The following HPSE2 variants were observed in gnomAD, a reference collection of about 807,000 sequenced individuals.
The protein encoded by HPSE2 is heparanase 2 (inactive).
A neutral mutation model predicts 60.5 loss-of-function variants in HPSE2; 38 were observed. The ratio of observed to expected loss-of-function variants is 0.63; its 90% CI spans 0.48 to 0.82. The LOEUF (loss-of-function observed/expected upper bound fraction) is 0.82. HPSE2 is among the 40% of genes least tolerant of loss of function. The pLI, the probability that HPSE2 is intolerant of heterozygous loss-of-function variation, is 0.00. For missense variants in HPSE2, 713 were observed against 740.4 expected, an observed-to-expected ratio of 0.96 and a Z score of 0.43; for synonymous variants, 295 against 293.2, an observed-to-expected ratio of 1.01 and a Z score of -0.06.
the HPSE2 span, among the ~76,000 whole-genome samples, chr10:99,309,676 C>T: frequency 6.6e-6 from 1 of 152,276 alleles, no homozygotes; most frequent in South Asian, 2.1e-4. Context: ...TGAGTATCTG[C>T]CACAAGTCCA....
chr10:98,922,888 G>C (rs1954324229), intron 3 of HPSE2, among the ~76,000 whole-genome samples: 1 of 152,080 alleles, frequency 6.6e-6, no homozygotes, highest in Non-Finnish European at 1.5e-5. Context: ...TCTTTGATTG[G>C]TTCATCGTTT....
chr10:99,027,483 AAGAAAAGCCTGGGGCCTGATGGCTTC>A (rs1957403945), intron 3 of HPSE2, among the ~76,000 whole-genome samples: 1 of 152,198 alleles, frequency 6.6e-6, no homozygotes, highest in African/African-American at 2.4e-5. Flanking sequence ...TTTCCCACTA[AAGAAAAGCCTGGGGCCTGATGGCTTC>A]ACTGATGAAT....
At chr10:98,818,349 G>T (rs1233217653) in intron 3 of HPSE2, among the ~76,000 whole-genome samples, 1 of 152,172 alleles carries the variant, frequency 6.6e-6, no homozygotes, top group East Asian at 1.9e-4. Context: ...GTAGGCATTA[G>T]ATTCTCATAA....
chr10:99,028,961 A>C (rs2135445847), intron 3 of HPSE2, among the ~76,000 whole-genome samples: 1 of 152,270 alleles, frequency 6.6e-6, no homozygotes, highest in East Asian at 1.9e-4. Context: ...GGTCCTTCTC[A>C]CCATATATAA....
chr10:99,098,914 T>A (rs974277438), intron 3 of HPSE2, among the ~76,000 whole-genome samples: 1 of 152,214 alleles, frequency 6.6e-6, no homozygotes, highest in African/African-American at 2.4e-5. Context: ...GATTTTAATA[T>A]AAGAGAAAAA....
chr10:99,016,766 T>C (rs780561219), intron 3 of HPSE2, among the ~76,000 whole-genome samples: 4 of 152,088 alleles, frequency 2.6e-5, no homozygotes, highest in African/African-American at 9.7e-5. Context: ...GCTGCATTCT[T>C]AGGTATTTTG....
intron 3 of HPSE2, among the ~76,000 whole-genome samples, chr10:99,118,886 A>C (rs999859314): frequency 1.3e-5 from 2 of 151,842 alleles, no homozygotes; most frequent in Non-Finnish European, 2.9e-5. Flanking sequence ...GCGTGGTGGT[A>C]GGCACCTGTA....
intron 3 of HPSE2, among the ~76,000 whole-genome samples, chr10:99,100,240 T>A (rs946305535): frequency 3.3e-5 from 5 of 152,050 alleles, no homozygotes; most frequent in African/African-American, 1.2e-4. Context: ...GCTAAAAACC[T>A]TGAAAAAAGA....
intron 2 of HPSE2, among the ~76,000 whole-genome samples, chr10:99,158,546 T>C (rs1278398463): frequency 7.1e-6 from 1 of 140,176 alleles, no homozygotes; most frequent in Admixed American, 7.5e-5. Flanking sequence ...AGGTGGGAAT[T>C]GAACAATGAG....
At chr10:99,172,936 G>A (rs903813668) in intron 2 of HPSE2, among the ~76,000 whole-genome samples, 1 of 151,982 alleles carries the variant, frequency 6.6e-6, no homozygotes, top group African/African-American at 2.4e-5. Context: ...GTAATCAAGG[G>A]GATGACATTT....
chr10:98,759,655 C>A (rs1949961464), intron 3 of HPSE2, among the ~76,000 whole-genome samples: 2 of 152,042 alleles, frequency 1.3e-5, no homozygotes, highest in Non-Finnish European at 2.9e-5. Context: ...ATCTATATGT[C>A]TATTTTTATG....
intron 6 of HPSE2, among the ~76,000 whole-genome samples, chr10:98,643,246 T>G (rs1946682761): frequency 6.6e-6 from 1 of 152,240 alleles, no homozygotes; most frequent in Non-Finnish European, 1.5e-5. Flanking sequence ...GCCTCAGTTT[T>G]TTTATTCTTA....
chr10:98,833,485 T>A (rs961408741), intron 3 of HPSE2, among the ~76,000 whole-genome samples: 1 of 152,200 alleles, frequency 6.6e-6, no homozygotes, highest in African/African-American at 2.4e-5. Context: ...ATGATATTGT[T>A]ATTAATAGGT....
At chr10:99,124,178 G>GCTCAAAT (rs1174560098) in intron 3 of HPSE2, among the ~76,000 whole-genome samples, 43 of 152,274 alleles carry the variant, frequency 2.8e-4, no homozygotes, top group Admixed American at 1.1e-3. Context: ...GCTCATACCT[G>GCTCAAAT]CAGGCAGGTC....
intron 3 of HPSE2, among the ~76,000 whole-genome samples, chr10:99,060,588 G>A (rs2135522075): frequency 7.1e-6 from 1 of 141,500 alleles, no homozygotes; most frequent in East Asian, 2.2e-4. Context: ...AACCAGGGAA[G>A]CAGAGGTTGA....
chr10:99,039,896 G>C (rs1443294169), intron 3 of HPSE2, among the ~76,000 whole-genome samples: 30 of 152,150 alleles, frequency 2.0e-4, no homozygotes, highest in Non-Finnish European at 1.5e-5. Context: ...AAAATAACCA[G>C]AGTCAGGGCT....
At chr10:99,160,578 A>G (rs1846787599) in intron 2 of HPSE2, among the ~76,000 whole-genome samples, 1 of 152,206 alleles carries the variant, frequency 6.6e-6, no homozygotes, top group Non-Finnish European at 1.5e-5. Context: ...AGCCTACCTG[A>G]CAGAAATGAA....
intron 6 of HPSE2, among the ~76,000 whole-genome samples, chr10:98,687,878 C>T (rs1376355510): frequency 2.0e-5 from 3 of 152,068 alleles, no homozygotes; most frequent in African/African-American, 7.2e-5. Flanking sequence ...ATAATTGAGT[C>T]TTCTATAGCA....
intron 3 of HPSE2, among the ~76,000 whole-genome samples, chr10:98,993,282 T>G (rs1360078790): frequency 1.3e-5 from 2 of 152,258 alleles, no homozygotes; most frequent in African/African-American, 4.8e-5. Context: ...GAGAACTGCA[T>G]GTATAACAAC....
Sources: gnomAD v4.1 joint callset for allele counts (sites outside exome capture counted in the v4.1 genomes callset) on GRCh38, gnomAD v4.1.1 for gene constraint, MANE v1.5 for transcripts, NCBI Gene and HGNC (gene_info 2026-07-23, HGNC 2026-07-21) for gene names.